Variants in HTR3A observed in about 807,000 individuals in gnomAD.
HTR3A encodes 5-hydroxytryptamine (serotonin) receptor 3A, ionotropic.
In HTR3A, 45 loss-of-function variants were observed where a neutral mutation model predicts 54.8. The ratio of observed to expected loss-of-function variants is 0.82; its 90% CI spans 0.65 to 1.05. HTR3A has a LOEUF of 1.05. Ranked by LOEUF, HTR3A falls within the 50% of genes least tolerant of loss-of-function variation. The pLI is 0.00. For synonymous variants in HTR3A, 297 were observed against 256.0 expected, an observed-to-expected ratio of 1.16 and a Z score of -1.53; for missense variants, 657 against 614.0, an observed-to-expected ratio of 1.07 and a Z score of -0.74.
chr11:113,981,044 C>A, intron 3 of HTR3A, 159 bp from the exon 4 acceptor site: 1 of 657,328 alleles, frequency 1.5e-6, no homozygotes, highest in Non-Finnish European at 2.8e-6. Context: ...GGGGGACTCT[C>A]AGTTACTGCT....
At chr11:113,976,031 C>G (rs1279410334) in intron 1 of HTR3A, among the ~76,000 whole-genome samples, 1 of 152,152 alleles carries the variant, frequency 6.6e-6, no homozygotes, top group East Asian at 1.9e-4. Context: ...GTTTTAGCCA[C>G]AAAGGGACCG....
rs768627675 is a variant in HTR3A, at chr11:113,989,088, G to A, written c.1139-377G>A. On this transcript the variant is annotated intron_variant, in intron 8 of 8. Coordinates refer to ENST00000504030, the MANE Select transcript of HTR3A (RefSeq NM_000869.6). This position sits in a 1 kb window ranked among gnomAD's most constrained non-coding sequence, Gnocchi z 4.4. ...TCTAAAGTTGTTCCTGGCCATCCAC[G>A]GTGGCTCACACCTGTAATCCCAGCA... Among the ~76,000 whole-genome samples, 2 of 151,888 alleles carry A rather than the reference G, an allele frequency of 1.3e-5. No individual in the cohort carries two copies. Among genetic ancestry groups the A allele is most frequent in the African/African-American group, 2.4e-5 (1 of 41,322 alleles).
At chr11:113,984,204 A>G (rs1950460562) in intron 5 of HTR3A, among the ~76,000 whole-genome samples, 1 of 151,872 alleles carries the variant, frequency 6.6e-6, no homozygotes, top group African/African-American at 2.4e-5. Context: ...TCCTCAGTTT[A>G]CCCTCTCATC....
chr11:113,989,960 G>A lies in HTR3A; in HGVS notation c.*197G>A. ...TGAACCCTTCCACCAAAAACTGGGT[G>A]TTCAAGGCCCTTACACCCTTGTCCC... On this transcript the variant is annotated 3_prime_UTR_variant, in exon 9 of 9. Transcript: ENST00000504030. This position sits in a 1 kb window ranked among gnomAD's most constrained non-coding sequence, Gnocchi z 4.4. 1 of 720,204 alleles carries A rather than the reference G, an allele frequency of 1.4e-6. No homozygotes were observed. Among genetic ancestry groups the A allele is most frequent in the Non-Finnish European group, 2.5e-6 (1 of 404,984 alleles). 44.6% of individuals were successfully genotyped at this position (720,204 alleles called of 1,614,324 possible). A position where few individuals can be genotyped will look rare whatever the true frequency, so the allele number is the denominator to read the frequency against.
Position 113,977,806 on chromosome 11 carries a change from C to T in HTR3A, c.103C>T (p.Leu35=). The T allele has an allele frequency of 6.2e-7, 1 of 1,614,176 alleles. No homozygotes were observed. Among genetic ancestry groups the T allele is most frequent in the Non-Finnish European group, 8.5e-7 (1 of 1,180,046 alleles). The part of the protein sequence containing the change: ...RSRNTTRPAL[L]RLSDYLLTNY... ...CCGAAACACCACCAGGCCCGCTCTG[C>T]TGAGGCTGTCGGATTACCTTTTGAC... Residue 35 remains leucine, a synonymous_variant, in exon 2 of 9, where the codon CTG becomes TTG. Transcript: ENST00000504030.
In HTR3A at chr11:113,986,630, G is replaced by T. The variant is rs1449663230; in HGVS notation, c.818G>T (p.Arg273Met). ...GFYLPPNSGE[R>M]VSFKITLLLG... ...TACCTGCCCCCCAACAGTGGCGAGA[G>T]GGTCTCTTTCAAGATTACACTCCTC... Residue 273 changes from arginine to methionine, a missense_variant, in exon 7 of 9, where the codon AGG (arginine) becomes ATG (methionine). Coordinates refer to ENST00000504030, the MANE Select transcript of HTR3A (RefSeq NM_000869.6). The T allele has an allele frequency of 6.2e-6, 10 of 1,613,882 alleles. No individual in the cohort carries two copies. The highest frequency in any genetic ancestry group is 8.5e-6 in the Non-Finnish European group (10 of 1,180,042).
intron 5 of HTR3A, 40 bp from the exon 6 acceptor site, chr11:113,985,975 G>C (rs757265438): frequency 6.2e-7 from 1 of 1,610,992 alleles, no homozygotes; most frequent in Non-Finnish European, 8.5e-7. Context: ...CAGGCTCTGG[G>C]TACTAGATTC....
chr11:113,983,045 T>C, intron 4 of HTR3A, 75 bp from the exon 5 acceptor site: 3 of 1,559,210 alleles, frequency 1.9e-6, no homozygotes, highest in Non-Finnish European at 2.7e-6. Context: ...CCTACCCAGT[T>C]GTTCCAAGAT....
rs1393353770 is a variant in HTR3A, at chr11:113,989,811, G to A, written c.*48G>A. 1.3e-6 allele frequency: 2 copies of A among 1,592,294 alleles called. No homozygotes were observed. Among genetic ancestry groups the A allele is most frequent in the Admixed American group, 1.7e-5 (1 of 59,980 alleles). On this transcript the variant is annotated 3_prime_UTR_variant, in exon 9 of 9. Coordinates refer to ENST00000504030, the MANE Select transcript of HTR3A (RefSeq NM_000869.6). The surrounding 1 kb of genome is among the most constrained non-coding windows in gnomAD (Gnocchi z 4.4). ...GGGGGTACAGTCCTGGTTAGGTGGG[G>A]ACAGAGGATTTCTGCTTAGGCCCCT...
chr11:113,985,922 C>T (rs1215929131), intron 5 of HTR3A, 93 bp from the exon 6 acceptor site: 1 of 1,368,406 alleles, frequency 7.3e-7, no homozygotes, highest in African/African-American at 1.4e-5. Flanking sequence ...TATCAGCTCC[C>T]CTTAATTGCT....
Position 113,986,187 on chromosome 11 carries a change from T to G in HTR3A, c.705+12T>G. 6.2e-7 allele frequency: 1 copy of G among 1,613,650 alleles called. No homozygotes were observed. The highest frequency in any genetic ancestry group is 1.1e-5 in the South Asian group (1 of 91,048). The stretch of plus-strand genomic sequence containing the variant: ...AAATGAAGTTCTATGTGAGTGGGAG[T>G]GAATGTGGGTAAAATGGTGAATAAA... On this transcript the variant is annotated intron_variant, in intron 6 of 8. Coordinates refer to ENST00000504030, the MANE Select transcript of HTR3A (RefSeq NM_000869.6).
rs769387632 is a variant in HTR3A at position 113,987,060 on chromosome 11, G to A, written c.1138+14G>A. The A allele has an allele frequency of 1.2e-6, 2 of 1,612,092 alleles. No individual in the cohort carries two copies. Among genetic ancestry groups the A allele is most frequent in the South Asian group, 2.2e-5 (2 of 91,046 alleles). On this transcript the variant is annotated intron_variant, in intron 8 of 8. Coordinates refer to ENST00000504030, the MANE Select transcript of HTR3A (RefSeq NM_000869.6). ...ATGACTGCTCAGGTGAGAAACAGAA[G>A]GGAAGAGTCCATACAGAGGGGCTGC...
At position 113,979,249 on chromosome 11, in the gene HTR3A, T is replaced by A. The variant is rs755428599; in HGVS notation, c.236T>A (p.Val79Glu). The A allele has an allele frequency of 6.2e-7, 1 of 1,613,206 alleles. No homozygotes were observed. The highest frequency in any genetic ancestry group is 8.5e-7 in the Non-Finnish European group (1 of 1,179,852). ...AILNVDEKNQ[V>E]LTTYIWYRQY... ...CTTTCCCAGGATGAGAAGAATCAGG[T>A]GCTGACCACCTACATCTGGTACCGG... is the stretch of plus-strand genomic sequence containing the variant. Residue 79 changes from valine to glutamate, a missense_variant, in exon 3 of 9, where the codon GTG (valine) becomes GAG (glutamate). By Grantham distance (121) the Val-to-Glu change is moderately radical (BLOSUM62 -2). Transcript: ENST00000504030.
intron 5 of HTR3A, 133 bp from the exon 6 acceptor site, chr11:113,985,882 A>T: frequency 1.1e-6 from 1 of 882,288 alleles, no homozygotes; most frequent in East Asian, 2.4e-5. Flanking sequence ...GCTGAAGGTG[A>T]TGTGCTGAGG....
At chr11:113,986,223 C>T (rs1319531482) in intron 6 of HTR3A, 48 bp downstream of exon 6, 3 of 1,608,962 alleles carry the variant, frequency 1.9e-6, no homozygotes, top group African/African-American at 1.3e-5. Context: ...GCTTCACATC[C>T]AGGTAGACTT....
At position 113,989,538 on chromosome 11, in the gene HTR3A, T is replaced by C. The variant is rs1439426402; in HGVS notation, c.1212T>C (p.Pro404=). Residue 404 remains proline (P), a synonymous_variant, in exon 9 of 9, where the codon CCT becomes CCC. Coordinates refer to ENST00000504030, the MANE Select transcript of HTR3A (RefSeq NM_000869.6). The surrounding 1 kb of genome is among the most constrained non-coding windows in gnomAD (Gnocchi z 4.4). ...FEKSPRDRCS[P]PPPPREASLA... ...AGAGCCCGAGGGACAGATGTAGCCC[T>C]CCCCCACCACCTCGGGAGGCCTCGC... 1.9e-6 allele frequency: 3 copies of C among 1,613,686 alleles called. No homozygotes were observed. In the South Asian group the frequency reaches 3.3e-5, roughly 18 times the overall value.
intron 8 of HTR3A, among the ~76,000 whole-genome samples, chr11:113,987,774 T>C (rs921209866): frequency 6.6e-6 from 1 of 152,172 alleles, no homozygotes; most frequent in African/African-American, 2.4e-5. Context: ...CCAAAGACCA[T>C]GTTCCTTAGA....
chr11:113,982,997 G>C lies in HTR3A; in HGVS notation c.375-123G>C, dbSNP rs1008863943. On this transcript the variant is annotated intron_variant, in intron 4 of 8. Transcript: ENST00000504030. ...AAACCGAGGCCAGGCAAAACATCCA[G>C]GTTATCCGGCTGCCTATACCCTCCC... 11 of 1,120,112 alleles carry C rather than the reference G, an allele frequency of 9.8e-6. No homozygotes were observed. The African/African-American group carries it at 1.7e-4, about 17-fold the overall frequency. The allele number at this position is 1,120,112 out of a possible 1,614,324, so 69.4% of individuals were successfully genotyped here.
intron 3 of HTR3A, among the ~76,000 whole-genome samples, chr11:113,980,883 T>C (rs896608918): frequency 3.9e-5 from 6 of 152,236 alleles, no homozygotes; most frequent in Non-Finnish European, 7.3e-5. Context: ...TATAAATATG[T>C]TGAGACCAAG....
Sources: gnomAD v4.1 joint callset for allele counts (sites outside exome capture counted in the v4.1 genomes callset) on GRCh38, gnomAD v4.1.1 for gene constraint, Gnocchi (gnomAD v3.1) non-coding constraint, MANE v1.5 for transcripts, NCBI Gene and HGNC (gene_info 2026-07-23, HGNC 2026-07-21) for gene names.